TNR: variants seen among roughly 807,000 people sequenced by gnomAD.
TNR encodes tenascin R.
A neutral mutation model predicts 150.4 loss-of-function variants in TNR; 45 were observed. The ratio of observed to expected loss-of-function variants is 0.30; its 90% CI spans 0.24 to 0.38. TNR has a LOEUF of 0.38. Ranked by LOEUF, TNR falls within the 10% of genes least tolerant of loss-of-function variation. TNR has a pLI of 1.00. For synonymous variants in TNR, 687 were observed against 678.4 expected, an observed-to-expected ratio of 1.01 and a Z score of -0.20; for missense variants, 1,544 against 1,759.1, an observed-to-expected ratio of 0.88 and a Z score of 2.19.
intron 1 of TNR, among the ~76,000 whole-genome samples, chr1:175,712,079 C>T (rs949350678): frequency 1.3e-5 from 2 of 152,098 alleles, no homozygotes; most frequent in Non-Finnish European, 2.9e-5. Flanking sequence ...TCATCACTGC[C>T]ATCATCTCTA....
In TNR at chr1:175,403,304, G is replaced by A. The variant is rs550760825; in HGVS notation, c.812C>T (p.Ser271Leu). The A allele has an allele frequency of 7.4e-6, 12 of 1,613,880 alleles. No individual in the cohort carries two copies. In the Admixed American group the frequency reaches 1.0e-4, roughly 13 times the overall value. The change falls in exon 4 of 23, where the codon TCG (serine) becomes TTG (leucine). Residue 271 changes from serine (S) to leucine (L), a missense_variant. Ser to Leu is a moderately radical substitution (Grantham distance 145). Around this residue, in one of 2 missense-constraint regions of TNR, gnomAD observed 1,254 missense variants for 1,329.4 expected, o/e 0.94. Coordinates refer to ENST00000367674, the MANE Select transcript of TNR (RefSeq NM_003285.3). ...CRELRCPGDC[S>L]GKGRCANGTC... Reference sequence around the variant, plus strand: ...ACCGTTGGCACATCTCCCCTTCCCCGAACAGTCCCCAGGGCACCTCAGTTC... The same window carrying A: ...ACCGTTGGCACATCTCCCCTTCCCCAAACAGTCCCCAGGGCACCTCAGTTC...
chr1:175,698,884 A>T lies in TNR; in HGVS notation c.-165+44342T>A, dbSNP rs574150244. 3.9e-5 allele frequency among the ~76,000 whole-genome samples: 6 copies of T among 152,232 alleles called. No homozygotes were observed. The East Asian group carries it at 5.8e-4, about 15-fold the overall frequency. On this transcript the variant is annotated intron_variant, in intron 1 of 22. Transcript: ENST00000367674. ...GAGCCTGTGGGCCTTCTATCATAAC[A>T]ACTTTGGTTTTTGCTCTAAGTGAGC...
intron 2 of TNR, among the ~76,000 whole-genome samples, chr1:175,469,576 G>A (rs926549060): frequency 6.6e-6 from 1 of 152,078 alleles, no homozygotes; most frequent in South Asian, 2.1e-4. Flanking sequence ...ACATAAAAAT[G>A]TGGAGGAGCT....
chr1:175,466,405 G>T (rs1167062733), intron 2 of TNR, among the ~76,000 whole-genome samples: 1 of 152,106 alleles, frequency 6.6e-6, no homozygotes, highest in Admixed American at 6.6e-5. Flanking sequence ...TCCCCATTTG[G>T]TCACTTGGCT....
chr1:175,573,377 C>T (rs547867988), intron 1 of TNR, among the ~76,000 whole-genome samples: 13 of 152,250 alleles, frequency 8.5e-5, no homozygotes, highest in African/African-American at 2.6e-4. Flanking sequence ...CTGCAGCAGT[C>T]GTGTGGGAGA....
chr1:175,697,416 A>AT (rs1423734483), intron 1 of TNR, among the ~76,000 whole-genome samples: 1 of 147,202 alleles, frequency 6.8e-6, no homozygotes, highest in Non-Finnish European at 1.5e-5. Flanking sequence ...ATCTCCTCTC[A>AT]TTTTTTTCTG....
chr1:175,707,197 G>A (rs560564409), intron 1 of TNR, among the ~76,000 whole-genome samples: 59 of 152,120 alleles, frequency 3.9e-4, no homozygotes, highest in Non-Finnish European at 5.3e-4. Context: ...AAAATTCCAG[G>A]TCTCAATTCC....
intron 1 of TNR, among the ~76,000 whole-genome samples, chr1:175,582,055 A>G (rs753527292): frequency 3.3e-5 from 5 of 152,224 alleles, no homozygotes; most frequent in African/African-American, 4.8e-5. Context: ...TACCAGGAAA[A>G]GATTCTCTTT....
chr1:175,455,465 T>A (rs1571464408), intron 2 of TNR, among the ~76,000 whole-genome samples: 2 of 152,366 alleles, frequency 1.3e-5, no homozygotes, highest in Non-Finnish European at 2.9e-5. Context: ...AAAAGAAAGA[T>A]CCTTGCTGTC....
In TNR at chr1:175,354,539, A is replaced by G; in HGVS notation, c.3250-16T>C. On this transcript the variant is annotated splice_polypyrimidine_tract_variant and intron_variant, in intron 17 of 22. Coordinates refer to ENST00000367674, the MANE Select transcript of TNR (RefSeq NM_003285.3). ...CAATCAGCTCCTGTATAATGAGCCA[A>G]AGGAAGGGTGGTGGAAGGGAGCAAC... 6.2e-7 allele frequency: 1 copy of G among 1,613,844 alleles called. No homozygotes were observed. The highest frequency in any genetic ancestry group is 1.1e-5 in the South Asian group (1 of 91,036).
intron 1 of TNR, among the ~76,000 whole-genome samples, chr1:175,645,975 G>A (rs1664799677): frequency 6.6e-6 from 1 of 152,134 alleles, no homozygotes; most frequent in Non-Finnish European, 1.5e-5. Flanking sequence ...TTTCTTGCCT[G>A]GACTAAGGGC....
At chr1:175,722,089 T>A (rs904394077) in intron 1 of TNR, among the ~76,000 whole-genome samples, 1 of 152,130 alleles carries the variant, frequency 6.6e-6, no homozygotes. Flanking sequence ...AAGTCACTGG[T>A]GGGCTTTCCT....
chr1:175,619,648 C>T (rs1434052125), intron 1 of TNR, among the ~76,000 whole-genome samples: 1 of 152,178 alleles, frequency 6.6e-6, no homozygotes, highest in African/African-American at 2.4e-5. Context: ...AATCCAAACC[C>T]ACCGTCTTAT....
intron 1 of TNR, among the ~76,000 whole-genome samples, chr1:175,718,701 C>T (rs528316981): frequency 1.6e-4 from 24 of 152,298 alleles, no homozygotes; most frequent in Non-Finnish European, 3.4e-4. Flanking sequence ...CCAAGAACGT[C>T]GTTAGGTGTT....
chr1:175,573,649 C>G (rs927584104), intron 1 of TNR, among the ~76,000 whole-genome samples: 1 of 152,222 alleles, frequency 6.6e-6, no homozygotes, highest in African/African-American at 2.4e-5. Context: ...AAATTACCAG[C>G]CATAAACCTG....
chr1:175,579,165 T>TTTAC (rs1662240023), intron 1 of TNR, among the ~76,000 whole-genome samples: 1 of 134,380 alleles, frequency 7.4e-6, no homozygotes, highest in Non-Finnish European at 1.6e-5. Context: ...TCGTTCCTTC[T>TTTAC]TTCCTTCCTT....
At chr1:175,555,840 T>A (rs756311010) in intron 1 of TNR, among the ~76,000 whole-genome samples, 1 of 152,226 alleles carries the variant, frequency 6.6e-6, no homozygotes. Context: ...ATAGGAGGAT[T>A]TGGCTAGAAG....
At chr1:175,327,259 C>T (rs767056273) in intron 21 of TNR, among the ~76,000 whole-genome samples, 1 of 152,166 alleles carries the variant, frequency 6.6e-6, no homozygotes, top group Non-Finnish European at 1.5e-5. Flanking sequence ...CTCCCAAAGC[C>T]TGGCTCCCCT....
At chr1:175,414,680 G>A (rs1254915943) in intron 2 of TNR, among the ~76,000 whole-genome samples, 2 of 152,170 alleles carry the variant, frequency 1.3e-5, no homozygotes, top group Non-Finnish European at 2.9e-5. Context: ...CCCCTCTAGG[G>A]AGGCCTGTGG....
Sources: gnomAD v4.1 joint callset for allele counts (sites outside exome capture counted in the v4.1 genomes callset) on GRCh38, gnomAD v4.1.1 for gene constraint, gnomAD v4.1.1 regional missense constraint, MANE v1.5 for transcripts, NCBI Gene and HGNC (gene_info 2026-07-23, HGNC 2026-07-21) for gene names.